DOCK3: variants seen among roughly 807,000 people sequenced by gnomAD.
The protein encoded by DOCK3 is dedicator of cytokinesis 3.
A neutral mutation model predicts 265.6 loss-of-function variants in DOCK3; 60 were observed. The ratio of observed to expected loss-of-function variants is 0.23; its 90% CI spans 0.18 to 0.28. The LOEUF is 0.28. DOCK3 is among the 10% of genes least tolerant of loss of function. The probability of loss-of-function intolerance (pLI) is 1.00; values close to 1 mark genes in which losing one functional copy is unlikely to be tolerated. For missense variants in DOCK3, 1,981 were observed against 2,594.3 expected (o/e 0.76, Z 5.14); for synonymous variants, 881 against 938.0 (o/e 0.94, Z 1.11).
At chr3:51,368,612 GC>G (rs1254892132) in intron 49 of DOCK3, among the ~76,000 whole-genome samples, 6 of 152,228 alleles carry the variant, frequency 3.9e-5, no homozygotes, top group Non-Finnish European at 8.8e-5. Context: ...TGCCTCTGTA[GC>G]CTCCACCTCT....
At chr3:51,203,107 C>G (rs1167958573) in intron 12 of DOCK3, among the ~76,000 whole-genome samples, 2 of 152,114 alleles carry the variant, frequency 1.3e-5, no homozygotes, top group Non-Finnish European at 2.9e-5. Context: ...AAAACTGGCA[C>G]AAGACAGGGA....
At chr3:50,871,298 G>GTTTT (rs1431338705) in intron 3 of DOCK3, among the ~76,000 whole-genome samples, 1 of 141,946 alleles carries the variant, frequency 7.0e-6, no homozygotes, top group Non-Finnish European at 1.5e-5. Flanking sequence ...TTGGGTAAAA[G>GTTTT]TTTTTTTTTT....
chr3:50,963,934 A>G (rs1320036976), intron 5 of DOCK3, among the ~76,000 whole-genome samples: 1 of 152,242 alleles, frequency 6.6e-6, no homozygotes, highest in Middle Eastern at 3.2e-3. Flanking sequence ...TCCTCTGTGT[A>G]TTCAGCAGTG....
chr3:50,945,097 A>T (rs889369849), intron 5 of DOCK3, among the ~76,000 whole-genome samples: 5 of 152,228 alleles, frequency 3.3e-5, no homozygotes, highest in Admixed American at 6.5e-5. Flanking sequence ...GATGACATTT[A>T]ATAAGATAAG....
intron 32 of DOCK3, among the ~76,000 whole-genome samples, chr3:51,323,984 A>G (rs751674847): frequency 6.6e-6 from 1 of 152,180 alleles, no homozygotes; most frequent in Non-Finnish European, 1.5e-5. Flanking sequence ...AATGGCCAAA[A>G]ACTGGAAGCA....
chr3:50,712,920 A>G (rs1382598358), intron 1 of DOCK3, among the ~76,000 whole-genome samples: 1 of 152,174 alleles, frequency 6.6e-6, no homozygotes, highest in Admixed American at 6.5e-5. Context: ...GTTGGGTGGA[A>G]TGTTTTGTAA....
At chr3:51,000,702 G>A (rs2078449571) in intron 5 of DOCK3, among the ~76,000 whole-genome samples, 1 of 151,982 alleles carries the variant, frequency 6.6e-6, no homozygotes, top group Non-Finnish European at 1.5e-5. Flanking sequence ...CTCCAGGCTG[G>A]AGTGTAGTGG....
intron 2 of DOCK3, among the ~76,000 whole-genome samples, chr3:50,831,817 A>G (rs2045194365): frequency 6.6e-6 from 1 of 152,240 alleles, no homozygotes; most frequent in African/African-American, 2.4e-5. Flanking sequence ...TGTCTTCTAC[A>G]ATGGTCAGAC....
chr3:50,747,003 A>T (rs1399477707), intron 1 of DOCK3, among the ~76,000 whole-genome samples: 1 of 32,884 alleles, frequency 3.0e-5, no homozygotes, highest in Non-Finnish European at 5.4e-5. Context: ...TATGGATTCA[A>T]GTACATTTTT....
intron 1 of DOCK3, among the ~76,000 whole-genome samples, chr3:50,696,770 C>T (rs1191434294): frequency 7.2e-5 from 11 of 152,066 alleles, no homozygotes; most frequent in East Asian, 1.9e-4. Flanking sequence ...TTTTACTAGT[C>T]GTGTCAGAAT....
intron 28 of DOCK3, 98 bp from the exon 29 acceptor site, chr3:51,311,906 C>A: frequency 1.2e-6 from 1 of 803,248 alleles, no homozygotes; most frequent in Non-Finnish European, 1.9e-6. Flanking sequence ...AAATTGTACT[C>A]AAGAAGTTTG....
intron 1 of DOCK3, among the ~76,000 whole-genome samples, chr3:50,693,978 A>G (rs1335125689): frequency 1.3e-5 from 2 of 152,096 alleles, no homozygotes; most frequent in Non-Finnish European, 2.9e-5. Flanking sequence ...TGCTACATAC[A>G]AAATTGTTGG....
chr3:50,804,221 G>C (rs2043260064), intron 2 of DOCK3, among the ~76,000 whole-genome samples: 1 of 151,716 alleles, frequency 6.6e-6, no homozygotes, highest in South Asian at 2.1e-4. Flanking sequence ...TAGATAGGAT[G>C]GCGGCCGGGA....
chr3:51,134,995 C>T (rs372137243), intron 9 of DOCK3, among the ~76,000 whole-genome samples: 26 of 152,168 alleles, frequency 1.7e-4, no homozygotes, highest in South Asian at 6.2e-4. Context: ...ATGCCTGGTG[C>T]GCAAAAAAAC....
At chr3:50,994,813 G>A (rs2078222534) in intron 5 of DOCK3, among the ~76,000 whole-genome samples, 1 of 152,122 alleles carries the variant, frequency 6.6e-6, no homozygotes, top group Non-Finnish European at 1.5e-5. Flanking sequence ...AGTTCAATTA[G>A]ATAAGATATA....
intron 5 of DOCK3, among the ~76,000 whole-genome samples, chr3:50,992,500 T>G (rs1311672382): frequency 2.0e-5 from 3 of 152,176 alleles, no homozygotes; most frequent in Non-Finnish European, 4.4e-5. Context: ...TTTCACCATG[T>G]TGGCTAGGCT....
rs564411975 is a variant in DOCK3 at position 51,325,820 on chromosome 3, C to G, written c.3403-4318C>G. Among the ~76,000 whole-genome samples, 41 of 152,190 alleles carry G rather than the reference C, an allele frequency of 2.7e-4. No homozygotes were observed. In the East Asian group the frequency reaches 6.2e-3, roughly 23 times the overall value. ...AGCAAACTAATAAAAGAACAGAAAACCAAACACTGCATGTTCTCACTCATA... is the reference window on the plus strand; with the variant it reads ...AGCAAACTAATAAAAGAACAGAAAAGCAAACACTGCATGTTCTCACTCATA... On this transcript the variant is annotated intron_variant, in intron 32 of 52. Transcript: ENST00000266037.
chr3:50,899,137 C>G (rs2049047175), intron 4 of DOCK3, among the ~76,000 whole-genome samples: 1 of 152,140 alleles, frequency 6.6e-6, no homozygotes, highest in Non-Finnish European at 1.5e-5. Context: ...TCTCTAAGAA[C>G]TTGCTTTATG....
chr3:51,048,763 T>A lies in DOCK3; in HGVS notation c.316-15685T>A, dbSNP rs12495384. ...CTTAACAGTAAAAACTATGGGAGGCTGAGGCAGGAGAATGGTGTGAACCCA... is the reference window on the plus strand; with the variant it reads ...CTTAACAGTAAAAACTATGGGAGGCAGAGGCAGGAGAATGGTGTGAACCCA... On this transcript the variant is annotated intron_variant, in intron 5 of 52. Transcript: ENST00000266037. Among the ~76,000 whole-genome samples the A allele has an allele frequency of 7.0e-3, 1,067 of 151,942 alleles. 36 individuals are homozygous for A. Among genetic ancestry groups the A allele is most frequent in the Admixed American group, 0.064 (980 of 15,250 alleles).
Sources: allele counts gnomAD v4.1 joint callset (sites outside exome capture counted in the v4.1 genomes callset), GRCh38; gene constraint gnomAD v4.1.1; transcripts MANE v1.5; gene names NCBI Gene and HGNC (gene_info 2026-07-23, HGNC 2026-07-21).